Variants in PEX5L observed in about 807,000 individuals in gnomAD.
PEX5L encodes PEX5-related protein.
In PEX5L, 30 loss-of-function variants were observed where a neutral mutation model predicts 84.0. The ratio of observed to expected loss-of-function variants is 0.36; its 90% CI spans 0.27 to 0.48. PEX5L has a LOEUF of 0.48. Among genes scored for constraint, PEX5L ranks in the 20% least tolerant of loss-of-function variants. The pLI is 0.99. For synonymous variants in PEX5L, 270 were observed against 283.1 expected (o/e 0.95, Z 0.46); for missense variants, 533 against 754.6 (o/e 0.71, Z 3.44).
At chr3:179,847,970 T>C in intron 8 of PEX5L, among the ~76,000 whole-genome samples, 1 of 81,568 alleles carries the variant, frequency 1.2e-5, no homozygotes, top group South Asian at 4.6e-4. Context: ...CGTTTGGGTA[T>C]TTTTTTTTTT....
chr3:179,873,160 G>A (rs1015027351), intron 7 of PEX5L, among the ~76,000 whole-genome samples: 11 of 152,026 alleles, frequency 7.2e-5, no homozygotes, highest in African/African-American at 2.4e-4. Flanking sequence ...GTGGGTCCGC[G>A]GACAAGTTTC....
Position 179,888,030 on chromosome 3 carries a change from C to G in PEX5L, c.199-246G>C, listed in dbSNP as rs528021255. On this transcript the variant is annotated intron_variant, in intron 3 of 14. Coordinates refer to ENST00000467460, the MANE Select transcript of PEX5L (RefSeq NM_016559.3). ...TTTAAAGCTCAAGCCTTTCCTCCCC[C>G]CTCCTGAAATATGATTATTCTCTAA... 18 of 874,664 alleles carry G rather than the reference C, an allele frequency of 2.1e-5. No individual in the cohort carries two copies. In the Admixed American group the frequency reaches 2.4e-4, roughly 12 times the overall value. 54.2% of individuals were successfully genotyped at this position (874,664 alleles called of 1,614,324 possible).
At chr3:179,990,068 T>A (rs1205281260) in intron 1 of PEX5L, among the ~76,000 whole-genome samples, 1 of 152,208 alleles carries the variant, frequency 6.6e-6, no homozygotes, top group Non-Finnish European at 1.5e-5. Flanking sequence ...AGTCAGTACA[T>A]CTTTATTTCA....
At position 180,036,683 on chromosome 3, in the gene PEX5L, G is replaced by T. The variant is rs1791937507; in HGVS notation, c.-84C>A. The T allele has an allele frequency of 1.3e-6, 2 of 1,496,878 alleles. No homozygotes were observed. Among genetic ancestry groups the T allele is most frequent in the South Asian group, 2.3e-5 (2 of 88,662 alleles). 92.7% of individuals were successfully genotyped at this position (1,496,878 alleles called of 1,614,324 possible). A position where few individuals can be genotyped will look rare whatever the true frequency, so the allele number is the denominator to read the frequency against. The stretch of plus-strand genomic sequence containing the variant: ...CTTGCCCACCAAAAGAGGGGAAAAG[G>T]TGGGTGCACAGCGGGTTCTCAGAGG... On this transcript the variant is annotated 5_prime_UTR_variant, in exon 1 of 15. Coordinates refer to ENST00000467460, the MANE Select transcript of PEX5L (RefSeq NM_016559.3).
At chr3:180,018,916 G>T (rs953374610) in intron 1 of PEX5L, among the ~76,000 whole-genome samples, 6 of 152,252 alleles carry the variant, frequency 3.9e-5, no homozygotes, top group Non-Finnish European at 8.8e-5. Context: ...ATCCAGAACA[G>T]CAAGCCTAGA....
chr3:179,937,938 C>T (rs1775041890), intron 2 of PEX5L, among the ~76,000 whole-genome samples: 1 of 152,110 alleles, frequency 6.6e-6, no homozygotes. Flanking sequence ...TGCTTGGCAG[C>T]ACCACCTCTA....
intron 2 of PEX5L, among the ~76,000 whole-genome samples, chr3:179,955,834 T>C (rs9862738): frequency 0.72 from 108,799 of 151,970 alleles, 39,533 homozygotes; most frequent in East Asian, 0.89. Context: ...GTAATTAATT[T>C]GATGAGTTAT....
intron 7 of PEX5L, among the ~76,000 whole-genome samples, chr3:179,871,488 ATATT>A (rs1750377035): frequency 6.6e-6 from 1 of 152,222 alleles, no homozygotes; most frequent in African/African-American, 2.4e-5. Context: ...AAAAGACAAA[ATATT>A]TATTTATGCT....
intron 2 of PEX5L, among the ~76,000 whole-genome samples, chr3:179,903,395 T>A (rs957714764): frequency 8.5e-5 from 13 of 152,114 alleles, no homozygotes; most frequent in Admixed American, 3.9e-4. Context: ...CTAATTAATT[T>A]AAAAAAATTT....
intron 1 of PEX5L, among the ~76,000 whole-genome samples, chr3:180,034,585 C>T (rs1247737355): frequency 6.6e-6 from 1 of 152,000 alleles, no homozygotes; most frequent in Non-Finnish European, 1.5e-5. Flanking sequence ...GGAGCAGATG[C>T]CCATTCAGAT....
intron 1 of PEX5L, among the ~76,000 whole-genome samples, chr3:180,013,302 C>T (rs989299910): frequency 2.0e-5 from 3 of 152,118 alleles, no homozygotes; most frequent in African/African-American, 7.2e-5. Flanking sequence ...GTTTAAAATT[C>T]TCAATACTTC....
intron 1 of PEX5L, among the ~76,000 whole-genome samples, chr3:180,028,496 C>A: frequency 6.6e-6 from 1 of 152,112 alleles, no homozygotes; most frequent in East Asian, 1.9e-4. Flanking sequence ...TGCCAAACAT[C>A]TAGCTATTTG....
intron 1 of PEX5L, among the ~76,000 whole-genome samples, chr3:179,986,854 T>C (rs1786901445): frequency 6.6e-6 from 1 of 152,198 alleles, no homozygotes; most frequent in Non-Finnish European, 1.5e-5. Context: ...TCATTGAAAG[T>C]TCGAATAACA....
intron 2 of PEX5L, among the ~76,000 whole-genome samples, chr3:179,919,016 A>G (rs565758698): frequency 4.6e-5 from 7 of 152,356 alleles, no homozygotes; most frequent in African/African-American, 1.7e-4. Context: ...TTGGAAGAAC[A>G]TTCCACAGGT....
intron 2 of PEX5L, among the ~76,000 whole-genome samples, chr3:179,966,682 GA>G (rs1783422088): frequency 2.0e-5 from 3 of 152,240 alleles, no homozygotes; most frequent in Non-Finnish European, 4.4e-5. Context: ...CAACCACTAG[GA>G]CAGAATTGCA....
At chr3:179,900,810 C>T (rs952289601) in intron 2 of PEX5L, 39 of 909,826 alleles carry the variant, frequency 4.3e-5, no homozygotes, top group East Asian at 1.3e-4. Flanking sequence ...TTGGCTTTTG[C>T]GATAATACCC....
intron 1 of PEX5L, among the ~76,000 whole-genome samples, chr3:179,979,970 T>G (rs1167121608): frequency 5.9e-5 from 9 of 152,158 alleles, no homozygotes; most frequent in Non-Finnish European, 1.0e-4. Context: ...ACAACTGATC[T>G]GGACATCATG....
At chr3:180,019,816 G>A (rs9809603) in intron 1 of PEX5L, among the ~76,000 whole-genome samples, 30,883 of 152,028 alleles carry the variant, frequency 0.2, 3,573 homozygotes, top group African/African-American at 0.32. Flanking sequence ...TCTCTGTTTT[G>A]ATGAGATAAT....
chr3:179,874,243 T>G, intron 7 of PEX5L, 84 bp downstream of exon 7: 1 of 794,338 alleles, frequency 1.3e-6, no homozygotes, highest in Admixed American at 2.7e-5. Flanking sequence ...ACTTCAAACT[T>G]TTTGTACAAA....
Sources: gnomAD v4.1 joint callset for allele counts (sites outside exome capture counted in the v4.1 genomes callset) on GRCh38, gnomAD v4.1.1 for gene constraint, MANE v1.5 for transcripts, NCBI Gene and HGNC (gene_info 2026-07-23, HGNC 2026-07-21) for gene names.